SLIT3: variants seen among roughly 807,000 people sequenced by gnomAD.
The protein encoded by SLIT3 is slit guidance ligand 3, also known as slit homolog 3 protein.
SLIT3 carries 68 observed loss-of-function variants against 184.0 expected under a neutral mutation model. That is an observed-to-expected ratio of 0.37 (90% confidence interval 0.30 to 0.45). The LOEUF (loss-of-function observed/expected upper bound fraction) is 0.45, where lower values mean the gene tolerates loss of function less well. Among genes scored for constraint, SLIT3 ranks in the 20% least tolerant of loss-of-function variants. The pLI is 1.00. For missense variants in SLIT3, 1,707 were observed against 2,026.0 expected (o/e 0.84, Z 3.02); for synonymous variants, 831 against 828.6 (o/e 1.00, Z -0.05).
chr5:168,770,076 C>T (rs1755492864), intron 14 of SLIT3, among the ~76,000 whole-genome samples: 1 of 152,210 alleles, frequency 6.6e-6, no homozygotes, highest in Non-Finnish European at 1.5e-5. Flanking sequence ...AGACAGACAG[C>T]ACCCTGCAAC....
chr5:168,695,523 A>G (rs1762032704), intron 28 of SLIT3, among the ~76,000 whole-genome samples: 2 of 152,206 alleles, frequency 1.3e-5, no homozygotes, highest in South Asian at 4.1e-4. Flanking sequence ...CCTCAAATTC[A>G]TGGAATTCCA....
intron 4 of SLIT3, among the ~76,000 whole-genome samples, chr5:169,171,355 T>C (rs4868337): frequency 0.095 from 14,413 of 152,242 alleles, 845 homozygotes; most frequent in South Asian, 0.15. Flanking sequence ...AGGCAAGGTA[T>C]CCCAGGCAGG....
intron 28 of SLIT3, among the ~76,000 whole-genome samples, chr5:168,695,900 G>A (rs1414882917): frequency 6.6e-6 from 1 of 152,176 alleles, no homozygotes; most frequent in East Asian, 1.9e-4. Context: ...CTAGCTCCTA[G>A]CTAAGTGTCT....
In SLIT3 at chr5:168,924,209, T is replaced by C. The variant is rs182697983; in HGVS notation, c.414-40873A>G. Reference sequence around the variant, plus strand: ...GACTTTTGGCCACTCACAGGAGCCATAGACATGGAGCTAAGTGGTCATGTG... The same window carrying C: ...GACTTTTGGCCACTCACAGGAGCCACAGACATGGAGCTAAGTGGTCATGTG... On this transcript the variant is annotated intron_variant, in intron 4 of 35. Transcript: ENST00000519560. Among the ~76,000 whole-genome samples, 60 of 152,320 alleles carry C rather than the reference T, an allele frequency of 3.9e-4. No homozygotes were observed. In the East Asian group the frequency reaches 0.01, roughly 25 times the overall value.
chr5:169,224,247 T>C (rs1446097224), intron 3 of SLIT3, among the ~76,000 whole-genome samples: 2 of 152,202 alleles, frequency 1.3e-5, no homozygotes, highest in Non-Finnish European at 2.9e-5. Flanking sequence ...TACAATAGGA[T>C]ATCACTACAG....
chr5:168,994,251 G>A (rs1472105902), intron 4 of SLIT3: 1 of 152,258 alleles, frequency 6.6e-6, no homozygotes, highest in African/African-American at 2.4e-5. Flanking sequence ...GGATAGGGGA[G>A]GAGCCTCTGC....
chr5:168,781,494 C>T (rs1000968070), intron 12 of SLIT3, among the ~76,000 whole-genome samples: 10 of 152,176 alleles, frequency 6.6e-5, no homozygotes, highest in Admixed American at 2.6e-4. Flanking sequence ...CCCTCAAGAA[C>T]GCATCGCCAA....
chr5:169,157,361 G>A (rs545585267), intron 4 of SLIT3, among the ~76,000 whole-genome samples: 215 of 152,310 alleles, frequency 1.4e-3, no homozygotes, highest in African/African-American at 5.0e-3. Context: ...CTGAGGTGTT[G>A]GGAGGCCATG....
chr5:168,724,974 A>C (rs939055928), intron 20 of SLIT3, among the ~76,000 whole-genome samples: 2 of 152,082 alleles, frequency 1.3e-5, no homozygotes, highest in Admixed American at 6.6e-5. Context: ...ACAATTCCAC[A>C]CTTAGCTTCC....
At chr5:169,116,724 A>C (rs542761839) in intron 4 of SLIT3, among the ~76,000 whole-genome samples, 2 of 152,314 alleles carry the variant, frequency 1.3e-5, no homozygotes, top group South Asian at 2.1e-4. Flanking sequence ...TCTGAGGGAG[A>C]AACAGGCTAA....
intron 4 of SLIT3, chr5:169,013,089 G>A (rs995421028): frequency 2.6e-5 from 4 of 152,210 alleles, no homozygotes; most frequent in Non-Finnish European, 2.9e-5. Context: ...CCATCTTATC[G>A]CTTTATCTTC....
chr5:168,772,536 C>T, intron 14 of SLIT3: 1 of 523,926 alleles, frequency 1.9e-6, no homozygotes, highest in Non-Finnish European at 3.4e-6. Context: ...GGTCCTGTCT[C>T]CCCTGCAACC....
chr5:169,087,155 A>G (rs1343885928), intron 4 of SLIT3, among the ~76,000 whole-genome samples: 1 of 152,214 alleles, frequency 6.6e-6, no homozygotes, highest in African/African-American at 2.4e-5. Context: ...CAAAACAACA[A>G]AACAACTTAG....
intron 5 of SLIT3, among the ~76,000 whole-genome samples, chr5:168,865,741 C>T (rs1403783392): frequency 6.6e-6 from 1 of 152,138 alleles, no homozygotes; most frequent in Non-Finnish European, 1.5e-5. Flanking sequence ...ATCCAAATTC[C>T]TATCACTTAT....
chr5:168,931,996 C>A (rs950784162), intron 4 of SLIT3, among the ~76,000 whole-genome samples: 19 of 152,230 alleles, frequency 1.2e-4, no homozygotes, highest in African/African-American at 4.1e-4. Flanking sequence ...CTGTAGTGAA[C>A]CCTGACTCTG....
chr5:169,206,008 T>C (rs945563404), intron 3 of SLIT3, among the ~76,000 whole-genome samples: 1 of 152,160 alleles, frequency 6.6e-6, no homozygotes, highest in Non-Finnish European at 1.5e-5. Context: ...AGGTGGGACA[T>C]CCACATAAGG....
chr5:168,916,637 G>C (rs1761444935), intron 4 of SLIT3, among the ~76,000 whole-genome samples: 1 of 152,204 alleles, frequency 6.6e-6, no homozygotes, highest in African/African-American at 2.4e-5. Context: ...TTTCTTAAAA[G>C]CCAAGTTGCT....
At chr5:168,932,943 T>A (rs1470324681) in intron 4 of SLIT3, among the ~76,000 whole-genome samples, 2 of 152,206 alleles carry the variant, frequency 1.3e-5, no homozygotes, top group Non-Finnish European at 2.9e-5. Context: ...ACAGTCCTTG[T>A]CTTCGGAAGC....
At chr5:169,281,839 T>C (rs1325436687) in intron 1 of SLIT3, among the ~76,000 whole-genome samples, 2 of 150,726 alleles carry the variant, frequency 1.3e-5, no homozygotes, top group African/African-American at 4.9e-5. Flanking sequence ...TTCATTGACA[T>C]TGGGCTAGCC....
Sources: allele counts gnomAD v4.1 joint callset (sites outside exome capture counted in the v4.1 genomes callset), GRCh38; gene constraint gnomAD v4.1.1; transcripts MANE v1.5; gene names NCBI Gene and HGNC (gene_info 2026-07-23, HGNC 2026-07-21).